Variants in MED13 observed in about 807,000 individuals in gnomAD.
MED13 encodes the protein mediator complex subunit 13.
Under a neutral mutation model 225.2 loss-of-function variants are expected in MED13, and 23 were observed. The ratio of observed to expected loss-of-function variants is 0.10; its 90% confidence interval spans 0.07 to 0.14. The LOEUF (loss-of-function observed/expected upper bound fraction) is 0.14. Among genes scored for constraint, MED13 ranks in the 10% least tolerant of loss-of-function variants. The probability of loss-of-function intolerance (pLI) is 1.00; values close to 1 mark genes in which losing one functional copy is unlikely to be tolerated. For missense variants in MED13, 2,197 were observed against 2,594.5 expected, an observed-to-expected ratio of 0.85 and a Z score of 3.33; for synonymous variants, 942 against 889.2, an observed-to-expected ratio of 1.06 and a Z score of -1.06.
intron 8 of MED13, among the ~76,000 whole-genome samples, chr17:62,014,252 A>T (rs2080539849): frequency 6.6e-6 from 1 of 151,680 alleles, no homozygotes; most frequent in South Asian, 2.1e-4. Context: ...AAGCCCCCAG[A>T]TCAGCACTGA....
intron 11 of MED13, among the ~76,000 whole-genome samples, chr17:61,989,191 T>C (rs1288545747): frequency 6.6e-6 from 1 of 152,030 alleles, no homozygotes; most frequent in Non-Finnish European, 1.5e-5. Flanking sequence ...TTTGTATTAT[T>C]AGTAGAGACG....
At chr17:61,995,719 C>T (rs1468422510) in intron 9 of MED13, among the ~76,000 whole-genome samples, 1 of 152,168 alleles carries the variant, frequency 6.6e-6, no homozygotes, top group African/African-American at 2.4e-5. Flanking sequence ...TGCTCCAGTA[C>T]AGTGACTCAA....
chr17:61,987,092 G>T lies in MED13; in HGVS notation c.2300C>A (p.Ser767Ter). ...GTCTGAGTCATAAATCAAACTTGTTGATGGAGGACGGGCATGACTAGTAGG... is the reference window on the plus strand; with the variant it reads ...GTCTGAGTCATAAATCAAACTTGTTTATGGAGGACGGGCATGACTAGTAGG... ...PRPTSHARPP[S>*]TSLIYDSDLA... The change falls in exon 12 of 30, where the codon TCA (serine) becomes TAA (stop). Residue 767 changes from serine (S) to a stop codon, truncating the protein, a stop_gained. Coordinates refer to ENST00000397786, the MANE Select transcript of MED13 (RefSeq NM_005121.3). LOFTEE classifies it high-confidence loss of function. The T allele has an allele frequency of 6.2e-7, 1 of 1,609,026 alleles. No homozygotes were observed. Among genetic ancestry groups the T allele is most frequent in the Non-Finnish European group, 8.5e-7 (1 of 1,177,064 alleles).
Position 61,955,855 on chromosome 17 carries a change from T to TATA in MED13, c.5624-18_5624-17insTAT, listed in dbSNP as rs71355200. 4.4e-5 allele frequency: 36 copies of TATA among 815,158 alleles called. No homozygotes were observed. In the African/African-American group the frequency reaches 1.3e-3, roughly 28 times the overall value. 50.5% of individuals were successfully genotyped at this position (815,158 alleles called of 1,614,324 possible). A position where few individuals can be genotyped will look rare whatever the true frequency, so the allele number is the denominator to read the frequency against. On this transcript the variant is annotated splice_polypyrimidine_tract_variant and intron_variant, in intron 24 of 29. Coordinates refer to ENST00000397786, the MANE Select transcript of MED13 (RefSeq NM_005121.3). ...AGCTCCAATCTGTGGGTATCAACAGTAAAAAAAAAAAAAAAAAAAAAAAAA... is the reference window on the plus strand; with the variant it reads ...AGCTCCAATCTGTGGGTATCAACAGTATAAAAAAAAAAAAAAAAAAAAAAAAAA...
chr17:61,998,388 T>C (rs1178808625), intron 9 of MED13, among the ~76,000 whole-genome samples: 3 of 152,204 alleles, frequency 2.0e-5, no homozygotes, highest in African/African-American at 7.2e-5. Flanking sequence ...TCTTTCCTTT[T>C]ACTATGACAA....
rs776558623 is a variant in MED13, at chr17:62,031,335, G to A, written c.1009+109C>T. ...TAAGGAAATTACTTGTACTACACTT[G>A]TAAATTCTCAAGAAGTTTGAAACTA... On this transcript the variant is annotated intron_variant, in intron 6 of 29. Transcript: ENST00000397786. The A allele has an allele frequency of 1.1e-4, 107 of 1,001,496 alleles. No individual in the cohort carries two copies. The East Asian group carries it at 3.0e-3, about 28-fold the overall frequency. The allele number at this position is 1,001,496 out of a possible 1,614,324, so 62.0% of individuals were successfully genotyped here.
chr17:62,003,637 T>G (rs2080418412), intron 9 of MED13: 1 of 141,250 alleles, frequency 7.1e-6, no homozygotes, highest in East Asian at 2.1e-4. Flanking sequence ...AAGTGAACTG[T>G]GACATGATAC....
At chr17:62,007,870 T>G (rs939567979) in intron 9 of MED13, among the ~76,000 whole-genome samples, 4 of 150,218 alleles carry the variant, frequency 2.7e-5, no homozygotes, top group African/African-American at 9.8e-5. Flanking sequence ...ACATAAAAAA[T>G]TAGCAGAGTG....
chr17:62,049,742 T>TA (rs751815529), intron 3 of MED13, among the ~76,000 whole-genome samples: 116 of 151,532 alleles, frequency 7.7e-4, no homozygotes, highest in Non-Finnish European at 1.4e-3. Context: ...CCATCCTGGC[T>TA]ACATGGTGAA....
intron 3 of MED13, among the ~76,000 whole-genome samples, chr17:62,050,423 T>G (rs138441235): frequency 6.7e-6 from 1 of 149,524 alleles, no homozygotes; most frequent in Admixed American, 6.7e-5. Context: ...AATATCCAAG[T>G]GTTGAGTCGG....
intron 8 of MED13, among the ~76,000 whole-genome samples, chr17:62,026,356 C>T (rs2080701912): frequency 6.6e-6 from 1 of 152,038 alleles, no homozygotes; most frequent in East Asian, 1.9e-4. Flanking sequence ...GTTTTGCTCC[C>T]TTGTGACAGT....
chr17:61,959,577 AATAAT>A (rs1302964853), intron 23 of MED13, among the ~76,000 whole-genome samples: 1 of 152,138 alleles, frequency 6.6e-6, no homozygotes, highest in Non-Finnish European at 1.5e-5. Flanking sequence ...GTTTATAATC[AATAAT>A]ATAAAATTAA....
At chr17:61,980,046 G>A (rs923110064) in intron 16 of MED13, among the ~76,000 whole-genome samples, 4 of 152,042 alleles carry the variant, frequency 2.6e-5, no homozygotes, top group Admixed American at 1.3e-4. Context: ...AAAATTAGCC[G>A]GGTGTGGTGG....
At chr17:61,966,779 A>ACACCCTTGATATTTT in intron 18 of MED13, 128 bp from the exon 19 acceptor site, 2 of 563,340 alleles carry the variant, frequency 3.6e-6, no homozygotes, top group Non-Finnish European at 5.5e-6. Flanking sequence ...TATGATAAAA[A>ACACCCTTGATATTTT]TATCAAGGGT....
chr17:62,024,023 CT>C (rs200282637), intron 8 of MED13, among the ~76,000 whole-genome samples: 44 of 148,574 alleles, frequency 3.0e-4, no homozygotes, highest in Non-Finnish European at 3.4e-4. Flanking sequence ...TTAAAAATGA[CT>C]TTTTTTTTTT....
intron 2 of MED13, among the ~76,000 whole-genome samples, chr17:62,057,036 CA>C (rs888231632): frequency 2.0e-5 from 3 of 151,872 alleles, no homozygotes; most frequent in African/African-American, 7.3e-5. Flanking sequence ...AAATCACAAC[CA>C]AAAAAGCAGA....
At chr17:62,011,339 T>C in intron 8 of MED13, 106 bp from the exon 9 acceptor site, 1 of 945,496 alleles carries the variant, frequency 1.1e-6, no homozygotes, top group African/African-American at 1.7e-5. Flanking sequence ...CTTTTTCACA[T>C]GTAATACTAA....
chr17:62,014,422 T>C (rs1176283107), intron 8 of MED13, among the ~76,000 whole-genome samples: 1 of 151,898 alleles, frequency 6.6e-6, no homozygotes, highest in Admixed American at 6.6e-5. Flanking sequence ...GTTCAAGCGA[T>C]TCTCCCACCT....
At chr17:61,947,272 A>G (rs562664245) in intron 28 of MED13, among the ~76,000 whole-genome samples, 1 of 151,788 alleles carries the variant, frequency 6.6e-6, no homozygotes, top group East Asian at 1.9e-4. Flanking sequence ...GCCTCAAACA[A>G]TCCTCCTGCC....
Sources: allele counts gnomAD v4.1 joint callset (sites outside exome capture counted in the v4.1 genomes callset), GRCh38; gene constraint gnomAD v4.1.1; transcripts MANE v1.5; gene names NCBI Gene and HGNC (gene_info 2026-07-23, HGNC 2026-07-21).